Variants in ARK2C observed in about 807,000 individuals in gnomAD.
ARK2C encodes the protein arkadia (RNF111) C-terminal like ring finger ubiquitin ligase 2C, also known as E3 ubiquitin-protein ligase ARK2C.
the ARK2C span, among the ~76,000 whole-genome samples, chr18:46,430,080 G>A: frequency 1.3e-5 from 2 of 152,286 alleles, no homozygotes; most frequent in East Asian, 1.9e-4. Flanking sequence ...CCTCTGTCAG[G>A]TGCAGCCTTA....
the ARK2C span, among the ~76,000 whole-genome samples, chr18:46,421,905 C>T: frequency 6.6e-6 from 1 of 152,176 alleles, no homozygotes; most frequent in African/African-American, 2.4e-5. Flanking sequence ...CACAAAGCTG[C>T]TCTTGGCTGT....
the ARK2C span, among the ~76,000 whole-genome samples, chr18:46,411,803 C>G: frequency 6.6e-6 from 1 of 152,238 alleles, no homozygotes; most frequent in Non-Finnish European, 1.5e-5. Context: ...AGTCAAGTAG[C>G]TGGACATGCA....
the ARK2C span, among the ~76,000 whole-genome samples, chr18:46,445,807 T>G: frequency 1.4e-4 from 21 of 152,364 alleles, no homozygotes; most frequent in Middle Eastern, 3.4e-3. Context: ...TATATTCTGT[T>G]CAGCTTTCTA....
At chr18:46,458,617 G>T in the ARK2C span, 1 of 152,452 alleles carries the variant, frequency 6.6e-6, no homozygotes, top group African/African-American at 2.4e-5. Context: ...GCTTGAGGAA[G>T]AGCTTCTAGC....
the ARK2C span, chr18:46,458,722 T>C: frequency 2.0e-5 from 3 of 152,226 alleles, no homozygotes; most frequent in Non-Finnish European, 4.4e-5. Context: ...AGCACTAATA[T>C]CCTGGTGTTC....
the ARK2C span, among the ~76,000 whole-genome samples, chr18:46,384,337 G>C: frequency 6.6e-6 from 1 of 152,206 alleles, no homozygotes; most frequent in Admixed American, 6.5e-5. Context: ...ATGCAGGCTG[G>C]TGTGTACATG....
At chr18:46,374,774 G>GGC in the ARK2C span, among the ~76,000 whole-genome samples, 4 of 152,130 alleles carry the variant, frequency 2.6e-5, no homozygotes, top group African/African-American at 9.7e-5. Flanking sequence ...GAACTGGGGG[G>GGC]GCTAGAGACC....
chr18:46,436,394 A>G, the ARK2C span, among the ~76,000 whole-genome samples: 2 of 152,178 alleles, frequency 1.3e-5, no homozygotes, highest in Non-Finnish European at 2.9e-5. Flanking sequence ...GGTGAAGGGT[A>G]TACAGGAATT....
the ARK2C span, among the ~76,000 whole-genome samples, chr18:46,383,958 G>C: frequency 6.6e-6 from 1 of 152,242 alleles, no homozygotes; most frequent in Non-Finnish European, 1.5e-5. Flanking sequence ...GTGACTCTTA[G>C]GGAAGTCTGT....
the ARK2C span, among the ~76,000 whole-genome samples, chr18:46,368,262 T>A: frequency 6.6e-6 from 1 of 152,230 alleles, no homozygotes; most frequent in African/African-American, 2.4e-5. Context: ...TGGTGTTAGC[T>A]GAGATTGGCT....
At chr18:46,386,380 G>A in the ARK2C span, 1 of 152,182 alleles carries the variant, frequency 6.6e-6, no homozygotes, top group Non-Finnish European at 1.5e-5. Flanking sequence ...TGAGACACAA[G>A]CTCCCCTTAT....
chr18:46,373,744 G>T, the ARK2C span, among the ~76,000 whole-genome samples: 3 of 152,158 alleles, frequency 2.0e-5, no homozygotes, highest in Non-Finnish European at 4.4e-5. Context: ...AGGTGTGGGG[G>T]GAATTGTTAT....
At chr18:46,406,831 C>A in the ARK2C span, among the ~76,000 whole-genome samples, 7 of 152,170 alleles carry the variant, frequency 4.6e-5, no homozygotes, top group Non-Finnish European at 8.8e-5. Flanking sequence ...TGGCTGGGAG[C>A]GGATGGTGAG....
the ARK2C span, among the ~76,000 whole-genome samples, chr18:46,421,343 CCTCCATGCTCACCT>C: frequency 1.3e-5 from 2 of 152,036 alleles, no homozygotes; most frequent in African/African-American, 4.8e-5. Context: ...GATGATGCTT[CCTCCATGCTCACCT>C]GTTCGTGATC....
the ARK2C span, among the ~76,000 whole-genome samples, chr18:46,433,773 G>A: frequency 6.6e-6 from 1 of 152,254 alleles, no homozygotes; most frequent in African/African-American, 2.4e-5. Flanking sequence ...TCAGAAGCCA[G>A]TGTGTGTCCC....
the ARK2C span, among the ~76,000 whole-genome samples, chr18:46,397,768 G>GTGCGTA: frequency 7.4e-6 from 1 of 134,594 alleles, no homozygotes; most frequent in African/African-American, 2.9e-5. Flanking sequence ...TGTGCATGTG[G>GTGCGTA]TGTGTGTGTG....
At chr18:46,427,479 G>A in the ARK2C span, among the ~76,000 whole-genome samples, 1 of 152,214 alleles carries the variant, frequency 6.6e-6, no homozygotes, top group Non-Finnish European at 1.5e-5. Context: ...TCATGGCAGT[G>A]GGGGAGGCTC....
At chr18:46,439,222 G>A in the ARK2C span, among the ~76,000 whole-genome samples, 1 of 152,220 alleles carries the variant, frequency 6.6e-6, no homozygotes, top group Non-Finnish European at 1.5e-5. Context: ...TCCCCTGAAG[G>A]CTGATGGCTT....
the ARK2C span, among the ~76,000 whole-genome samples, chr18:46,338,874 C>T: frequency 1.3e-5 from 2 of 152,308 alleles, no homozygotes; most frequent in East Asian, 3.9e-4. Flanking sequence ...TGACTGACTC[C>T]CCGGCTCACC....
Sources: allele counts gnomAD v4.1 joint callset (sites outside exome capture counted in the v4.1 genomes callset), GRCh38; gene constraint gnomAD v4.1.1; transcripts MANE v1.5; gene names NCBI Gene and HGNC (gene_info 2026-07-23, HGNC 2026-07-21).